Variants in USP34 observed in about 807,000 individuals in gnomAD.
USP34 encodes the protein ubiquitin specific peptidase 34.
Under a neutral mutation model 460.3 loss-of-function variants are expected in USP34, and 70 were observed. That is an observed-to-expected ratio of 0.15 (90% confidence interval 0.13 to 0.19). The LOEUF (loss-of-function observed/expected upper bound fraction) is 0.19, where lower values mean the gene tolerates loss of function less well. Among genes scored for constraint, USP34 ranks in the 10% least tolerant of loss-of-function variants. The pLI is 1.00. For missense variants in USP34, 3,985 were observed against 4,236.2 expected (o/e 0.94, Z 1.65); for synonymous variants, 1,647 against 1,405.3 (o/e 1.17, Z -3.85).
At chr2:61,371,271 C>A (rs1692615432) in intron 8 of USP34, among the ~76,000 whole-genome samples, 2 of 151,960 alleles carry the variant, frequency 1.3e-5, no homozygotes, top group South Asian at 4.1e-4. Flanking sequence ...ACTGCACTGC[C>A]AGTCATATAA....
intron 48 of USP34, chr2:61,250,345 C>T (rs541504467): frequency 2.9e-4 from 49 of 170,648 alleles, no homozygotes; most frequent in Non-Finnish European, 5.2e-4. Flanking sequence ...ATATTCCCCC[C>T]AAGGAGTTCC....
chr2:61,245,183 C>T, intron 51 of USP34, 27 bp downstream of exon 51: 1 of 1,577,460 alleles, frequency 6.3e-7, no homozygotes, highest in Admixed American at 1.7e-5. Flanking sequence ...GGACACAAAC[C>T]ATTTATAATT....
At chr2:61,409,326 C>CT (rs1177220527) in intron 2 of USP34, among the ~76,000 whole-genome samples, 3 of 152,182 alleles carry the variant, frequency 2.0e-5, no homozygotes, top group Non-Finnish European at 4.4e-5. Context: ...GCAGGCAGAT[C>CT]ATTTACTAAA....
At chr2:61,240,809 C>T (rs1035158559) in intron 53 of USP34, among the ~76,000 whole-genome samples, 4 of 151,856 alleles carry the variant, frequency 2.6e-5, no homozygotes, top group African/African-American at 9.7e-5. Flanking sequence ...CCTGGCCTCA[C>T]GTGATCCACC....
intron 1 of USP34, among the ~76,000 whole-genome samples, chr2:61,440,557 G>C (rs536443990): frequency 1.4e-5 from 2 of 143,234 alleles, no homozygotes; most frequent in African/African-American, 5.2e-5. Context: ...TGCTCTTCTC[G>C]TCCAGGCTGG....
intron 33 of USP34, among the ~76,000 whole-genome samples, chr2:61,291,328 C>G (rs1480680595): frequency 6.6e-6 from 1 of 152,046 alleles, no homozygotes; most frequent in Non-Finnish European, 1.5e-5. Flanking sequence ...AAACTGGAAC[C>G]CTCACACATT....
chr2:61,397,630 A>G (rs1693576433), intron 3 of USP34, among the ~76,000 whole-genome samples: 1 of 151,968 alleles, frequency 6.6e-6, no homozygotes. Context: ...GCTGTGTGCA[A>G]TGGCTCACGC....
Position 61,236,150 on chromosome 2 carries a change from A to G in USP34, c.6918+11T>C, listed in dbSNP as rs778800295. On this transcript the variant is annotated intron_variant, in intron 55 of 79. Coordinates refer to ENST00000398571, the MANE Select transcript of USP34 (RefSeq NM_014709.4). Reference sequence around the variant, plus strand: ...TTTGACAGAATTATTTAAAGTTCATATATTTATTACCTTTGCTGTCATTAA... The same window carrying G: ...TTTGACAGAATTATTTAAAGTTCATGTATTTATTACCTTTGCTGTCATTAA... The G allele has an allele frequency of 1.1e-5, 17 of 1,602,882 alleles. No individual in the cohort carries two copies. Among genetic ancestry groups the G allele is most frequent in the East Asian group, 2.2e-5 (1 of 44,736 alleles).
At chr2:61,391,821 A>G (rs1693355778) in intron 5 of USP34, among the ~76,000 whole-genome samples, 1 of 152,218 alleles carries the variant, frequency 6.6e-6, no homozygotes, top group African/African-American at 2.4e-5. Flanking sequence ...ACCATATAAA[A>G]GAAATTAGCT....
intron 27 of USP34, among the ~76,000 whole-genome samples, chr2:61,307,542 G>C (rs1188996458): frequency 6.6e-6 from 1 of 151,326 alleles, no homozygotes; most frequent in Non-Finnish European, 1.5e-5. Flanking sequence ...GAGTTTATAA[G>C]ACTTGGATGT....
chr2:61,343,215 G>A (rs1415547387), intron 16 of USP34, among the ~76,000 whole-genome samples: 1 of 152,144 alleles, frequency 6.6e-6, no homozygotes, highest in East Asian at 1.9e-4. Context: ...TTCTAAAACT[G>A]TTTTTCACTT....
intron 33 of USP34, among the ~76,000 whole-genome samples, chr2:61,291,925 C>G (rs1234397911): frequency 6.6e-6 from 1 of 152,068 alleles, no homozygotes; most frequent in Non-Finnish European, 1.5e-5. Context: ...AAGGATGAAT[C>G]TCGAAAATAG....
intron 1 of USP34, among the ~76,000 whole-genome samples, chr2:61,430,038 C>A (rs1040753427): frequency 2.0e-5 from 3 of 151,834 alleles, no homozygotes; most frequent in Admixed American, 6.6e-5. Context: ...ACGGTGAAAC[C>A]CCCCGTCTCT....
intron 27 of USP34, among the ~76,000 whole-genome samples, chr2:61,310,778 A>G (rs1257500992): frequency 1.3e-5 from 2 of 151,992 alleles, no homozygotes; most frequent in Non-Finnish European, 2.9e-5. Context: ...TGTTATTTTT[A>G]TATTCTCAGA....
At chr2:61,324,087 G>T (rs1334180032) in intron 21 of USP34, among the ~76,000 whole-genome samples, 1 of 152,136 alleles carries the variant, frequency 6.6e-6, no homozygotes, top group Non-Finnish European at 1.5e-5. Context: ...ATTAACCACA[G>T]TTAAAGAGAC....
intron 21 of USP34, among the ~76,000 whole-genome samples, chr2:61,320,723 T>C (rs1445478293): frequency 3.3e-5 from 5 of 152,060 alleles, no homozygotes; most frequent in African/African-American, 1.2e-4. Context: ...AAACAAAAAT[T>C]TGTAGGCTGG....
intron 20 of USP34, 68 bp downstream of exon 20, chr2:61,331,208 C>G: frequency 7.4e-7 from 1 of 1,358,990 alleles, no homozygotes; most frequent in South Asian, 1.4e-5. Context: ...AGTTAAAACA[C>G]TGGAAAATCA....
chr2:61,256,573 CA>C lies in USP34; in HGVS notation c.6127-96del, dbSNP rs34025877. 1.2e-3 allele frequency: 1,066 copies of C among 886,382 alleles called. 1 individual carries two copies. Among genetic ancestry groups the C allele is most frequent in the South Asian group, 1.9e-3 (78 of 41,170 alleles). 54.9% of individuals were successfully genotyped at this position (886,382 alleles called of 1,614,324 possible). A position where few individuals can be genotyped will look rare whatever the true frequency, so the allele number is the denominator to read the frequency against. The stretch of plus-strand genomic sequence containing the variant: ...ATTACAATTTTGACAGAATGCTCAG[CA>C]AAAAAATTTTTTTTTTAAAAGTGAA... On this transcript the variant is annotated intron_variant, in intron 47 of 79. Transcript: ENST00000398571.
chr2:61,455,213 C>T (rs983272080), intron 1 of USP34, among the ~76,000 whole-genome samples: 2 of 151,868 alleles, frequency 1.3e-5, no homozygotes, highest in Non-Finnish European at 2.9e-5. Flanking sequence ...GAGTCTCCGT[C>T]TGTCACCCAA....
Sources: gnomAD v4.1 joint callset for allele counts (sites outside exome capture counted in the v4.1 genomes callset) on GRCh38, gnomAD v4.1.1 for gene constraint, MANE v1.5 for transcripts, NCBI Gene and HGNC (gene_info 2026-07-23, HGNC 2026-07-21) for gene names.